The following NDP variants were observed in gnomAD, a reference collection of about 807,000 sequenced individuals.
NDP encodes the protein norrin.
NDP carries 2 observed loss-of-function variants against 8.4 expected under a neutral mutation model. The ratio of observed to expected loss-of-function variants is 0.24; its 90% CI spans 0.10 to 0.75. The LOEUF (loss-of-function observed/expected upper bound fraction) is 0.75. Among genes scored for constraint, NDP ranks in the 30% least tolerant of loss-of-function variants. The probability of loss-of-function intolerance (pLI) is 0.73; values close to 1 mark genes in which losing one functional copy is unlikely to be tolerated. For synonymous variants in NDP, 55 were observed against 45.6 expected (o/e 1.21, Z -0.83); for missense variants, 81 against 110.1 (o/e 0.74, Z 1.18).
At chrX:43,969,574 C>A (rs1244681062) in intron 1 of NDP, 1 of 112,828 alleles carries the variant, frequency 8.9e-6, no homozygotes, top group Non-Finnish European at 1.9e-5. Context: ...TCCAGCCCCG[C>A]TCTCGGCAGC....
At chrX:43,970,944 G>C (rs753649733) in intron 1 of NDP, among the ~76,000 whole-genome samples, 2 of 111,929 alleles carry the variant, frequency 1.8e-5, no homozygotes, top group Non-Finnish European at 3.8e-5. Flanking sequence ...TGCAAATGAC[G>C]TGTACCCAGG....
chrX:43,965,565 G>A (rs2035853334), intron 1 of NDP, among the ~76,000 whole-genome samples: 1 of 111,890 alleles, frequency 8.9e-6, no homozygotes, highest in African/African-American at 3.3e-5. Flanking sequence ...AACGGGGAGA[G>A]AAGAAAGGCT....
At chrX:43,953,597 G>C (rs1420430533) in intron 2 of NDP, among the ~76,000 whole-genome samples, 2 of 112,576 alleles carry the variant, frequency 1.8e-5, no homozygotes, top group East Asian at 5.6e-4. Flanking sequence ...CATTTATTGA[G>C]CACTTGCAAT....
intron 2 of NDP, among the ~76,000 whole-genome samples, chrX:43,955,532 G>A (rs990140853): frequency 5.3e-5 from 6 of 112,627 alleles, no homozygotes; most frequent in African/African-American, 1.9e-4. Flanking sequence ...CAGGCAGTCT[G>A]TTTCCACTAT....
chrX:43,953,275 A>G, intron 2 of NDP: 1 of 112,308 alleles, frequency 8.9e-6, no homozygotes. Context: ...TTTACTCTCA[A>G]TACTTCACAT....
At position 43,952,417 on chromosome X, in the gene NDP, G is replaced by A. The variant is rs139128180; in HGVS notation, c.175-2391C>T. The stretch of plus-strand genomic sequence containing the variant: ...CACCTTCCGTGATGGAGTCTTCAGA[G>A]GTGCAGTTTCAGTCTGGGTGGACAA... On this transcript the variant is annotated intron_variant, in intron 2 of 2. Transcript: ENST00000642620. Among the ~76,000 whole-genome samples the A allele has an allele frequency of 3.9e-3, 433 of 111,817 alleles. 2 individuals are homozygous for A. Among genetic ancestry groups the A allele is most frequent in the African/African-American group, 0.013 (395 of 30,732 alleles).
chrX:43,956,119 G>A (rs1483419318), intron 2 of NDP, among the ~76,000 whole-genome samples: 42 of 111,557 alleles, frequency 3.8e-4, no homozygotes, highest in Non-Finnish European at 1.1e-4. Flanking sequence ...GAATAATAAT[G>A]CCTGCCATCA....
intron 2 of NDP, among the ~76,000 whole-genome samples, 174 bp downstream of exon 2, chrX:43,958,298 C>G (rs1469586484): frequency 2.7e-5 from 3 of 112,665 alleles, no homozygotes; most frequent in African/African-American, 9.7e-5. Context: ...TTACTGATAA[C>G]AGTGCAAAGC....
intron 1 of NDP, among the ~76,000 whole-genome samples, chrX:43,967,393 G>C (rs778511381): frequency 9.2e-5 from 10 of 109,179 alleles, no homozygotes; most frequent in African/African-American, 2.4e-4. Flanking sequence ...TTTATAGTTT[G>C]TGGATACAAA....
At position 43,949,994 on chromosome X, in the gene NDP, G is replaced by A; in HGVS notation, c.207C>T (p.Cys69=). The part of the protein sequence containing the change: ...MVLLARCEGH[C]SQASRSEPLV... ...AAGGCTCGGAGCGTGACGCCTGGCT[G>A]CAGTGCCCCTCGCACCTGGCCAGGA... The change falls in exon 3 of 3, where the codon TGC becomes TGT. Residue 69 remains cysteine, a synonymous_variant. Coordinates refer to ENST00000642620, the MANE Select transcript of NDP (RefSeq NM_000266.4). The A allele has an allele frequency of 8.3e-7, 1 of 1,206,411 alleles. No homozygotes were observed. Among genetic ancestry groups the A allele is most frequent in the Non-Finnish European group, 1.1e-6 (1 of 892,948 alleles).
chrX:43,959,587 T>A (rs1045389249), intron 1 of NDP, among the ~76,000 whole-genome samples: 6 of 111,981 alleles, frequency 5.4e-5, no homozygotes, highest in Non-Finnish European at 1.1e-4. Flanking sequence ...GGAACAGACT[T>A]ACCATTAAAA....
chrX:43,970,529 C>T (rs2035885939), intron 1 of NDP, among the ~76,000 whole-genome samples: 1 of 110,776 alleles, frequency 9.0e-6, no homozygotes, highest in African/African-American at 3.3e-5. Flanking sequence ...TTTTTTTTCC[C>T]CCAGTAACCT....
At chrX:43,962,910 C>T (rs777356926) in intron 1 of NDP, among the ~76,000 whole-genome samples, 1 of 112,212 alleles carries the variant, frequency 8.9e-6, no homozygotes, top group Non-Finnish European at 1.9e-5. Context: ...AATAATATAG[C>T]AGAGCTTACA....
chrX:43,957,322 T>C (rs1162382366), intron 2 of NDP, among the ~76,000 whole-genome samples: 1 of 88,569 alleles, frequency 1.1e-5, no homozygotes, highest in Non-Finnish European at 2.2e-5. Context: ...AAATTTATGT[T>C]CATCTATTTA....
intron 2 of NDP, among the ~76,000 whole-genome samples, chrX:43,954,070 C>T (rs916855655): frequency 1.8e-5 from 2 of 112,305 alleles, no homozygotes; most frequent in Non-Finnish European, 3.8e-5. Flanking sequence ...GATTTTACTC[C>T]GACAGAGTGG....
At chrX:43,956,845 C>A (rs984631634) in intron 2 of NDP, among the ~76,000 whole-genome samples, 1 of 111,958 alleles carries the variant, frequency 8.9e-6, no homozygotes, top group Non-Finnish European at 1.9e-5. Flanking sequence ...AAGTCTGTTT[C>A]TAAGACTCAT....
intron 1 of NDP, among the ~76,000 whole-genome samples, chrX:43,969,990 G>T (rs1201577288): frequency 8.9e-6 from 1 of 112,115 alleles, no homozygotes; most frequent in African/African-American, 3.2e-5. Context: ...TTCTGAATTA[G>T]ATTATGCGAA....
At chrX:43,965,714 A>G (rs2035854255) in intron 1 of NDP, among the ~76,000 whole-genome samples, 1 of 111,637 alleles carries the variant, frequency 9.0e-6, no homozygotes, top group South Asian at 3.8e-4. Flanking sequence ...TCGTGCCCTA[A>G]TGGGACAATC....
chrX:43,961,717 A>G (rs1036980971), intron 1 of NDP, among the ~76,000 whole-genome samples: 1 of 111,767 alleles, frequency 8.9e-6, no homozygotes, highest in East Asian at 2.8e-4. Context: ...CAGCTTAAAT[A>G]TGGTAACTAA....
Sources: gnomAD v4.1 joint callset for allele counts (sites outside exome capture counted in the v4.1 genomes callset) on GRCh38, gnomAD v4.1.1 for gene constraint, MANE v1.5 for transcripts, NCBI Gene and HGNC (gene_info 2026-07-23, HGNC 2026-07-21) for gene names.